Variants in ASB14 observed in about 807,000 individuals in gnomAD.
ASB14 encodes ankyrin repeat and SOCS box containing 14.
ASB14 carries 63 observed loss-of-function variants against 55.6 expected under a neutral mutation model. That is an observed-to-expected ratio of 1.13 (90% CI 0.92 to 1.40). The LOEUF is 1.40. ASB14 is among the 40% of genes most tolerant of loss of function. ASB14 has a pLI of 0.00. For missense variants in ASB14, 724 were observed against 710.4 expected (o/e 1.02, Z -0.22); for synonymous variants, 256 against 259.9 (o/e 0.98, Z 0.15).
intron 4 of ASB14, 44 bp from the exon 5 acceptor site, chr3:57,288,103 G>T: frequency 6.5e-7 from 1 of 1,534,706 alleles, no homozygotes; most frequent in Non-Finnish European, 8.7e-7. Context: ...ATATAGAAAT[G>T]AATGTTAAAT....
chr3:57,282,112 C>T (rs2061045181), intron 6 of ASB14, among the ~76,000 whole-genome samples: 1 of 152,158 alleles, frequency 6.6e-6, no homozygotes, highest in South Asian at 2.1e-4. Flanking sequence ...CAGCTAATGA[C>T]TTTAGACATT....
chr3:57,280,228 T>A, intron 7 of ASB14, 74 bp downstream of exon 7: 1 of 940,070 alleles, frequency 1.1e-6, no homozygotes. Context: ...GATTATAAAG[T>A]TCCTAGAAGC....
In ASB14 at chr3:57,278,456, A is replaced by G. The variant is rs375095363; in HGVS notation, c.1352T>C (p.Phe451Ser). 2 of 1,614,218 alleles carry G rather than the reference A, an allele frequency of 1.2e-6. No homozygotes were observed. The highest frequency in any genetic ancestry group is 1.7e-6 in the Non-Finnish European group (2 of 1,180,032). ...GACTTTGTCTCCATGTGGGCAATCA[A>G]AACATCGCTCTGTGTCATACCCATA... ...LNYGYDTERC[F>S]DCPHGDKVHP... Residue 451 changes from phenylalanine to serine, a missense_variant, in exon 8 of 11, where the codon TTT becomes TCT. Phe to Ser is a radical substitution (Grantham distance 155). Transcript: ENST00000487349.
chr3:57,292,115 T>A lies in ASB14; in HGVS notation c.-71-11A>T. ...TTGTGAAGAGATCAACTGCTTAAAA[T>A]TACAAATGAAATTCAGAAATCTAGA... On this transcript the variant is annotated splice_polypyrimidine_tract_variant and intron_variant, in intron 1 of 10. Coordinates refer to ENST00000487349, the MANE Select transcript of ASB14 (RefSeq NM_001142733.3). 3.2e-6 allele frequency: 4 copies of A among 1,262,844 alleles called. No homozygotes were observed. The highest frequency in any genetic ancestry group is 4.1e-6 in the Non-Finnish European group (4 of 981,440). The allele number at this position is 1,262,844 out of a possible 1,614,324, so 78.2% of individuals were successfully genotyped here. A position where few individuals can be genotyped will look rare whatever the true frequency, so the allele number is the denominator to read the frequency against.
chr3:57,280,578 G>T, intron 6 of ASB14, 105 bp from the exon 7 acceptor site: 1 of 921,026 alleles, frequency 1.1e-6, no homozygotes, highest in South Asian at 1.9e-5. Context: ...TAGTGAGCAC[G>T]CACTCTAGCA....
At chr3:57,273,458 GTTT>G (rs1038622332) in intron 10 of ASB14, 3 of 152,480 alleles carry the variant, frequency 2.0e-5, no homozygotes, top group African/African-American at 7.2e-5. Flanking sequence ...TTTGTACAGT[GTTT>G]TTTAATGAAA....
At chr3:57,284,786 T>C (rs1422842092) in intron 5 of ASB14, among the ~76,000 whole-genome samples, 2 of 152,200 alleles carry the variant, frequency 1.3e-5, no homozygotes, top group Non-Finnish European at 2.9e-5. Context: ...GCTAGGGTGC[T>C]TTATGGTTTA....
intron 10 of ASB14, chr3:57,270,953 T>TAAGG (rs2060933890): frequency 6.6e-6 from 1 of 152,170 alleles, no homozygotes; most frequent in Admixed American, 6.5e-5. Context: ...AACCTTAATT[T>TAAGG]TTTTTCTGTA....
Position 57,289,214 on chromosome 3 carries a change from G to C in ASB14, c.123-91C>G, listed in dbSNP as rs1005642445. On this transcript the variant is annotated intron_variant, in intron 2 of 10. Transcript: ENST00000487349. ...TCAAAAGGAAAGGGTAATGGTAGCA[G>C]TAGTTAATCCGGGATGAACTTTCAT... The C allele has an allele frequency of 1.5e-5, 13 of 849,424 alleles. No homozygotes were observed. In the African/African-American group the frequency reaches 2.2e-4, roughly 14 times the overall value. The allele number at this position is 849,424 out of a possible 1,614,324, so 52.6% of individuals were successfully genotyped here.
Position 57,283,302 on chromosome 3 carries a change from G to C in ASB14, c.607C>G (p.Leu203Val). The change falls in exon 6 of 11, where the codon CTG becomes GTG. Residue 203 changes from leucine to valine, a missense_variant. Physicochemically the swap from Leu to Val is conservative, Grantham distance 32 (BLOSUM62 1). Transcript: ENST00000487349. Reference protein sequence around the residue: ...LGREDMVKLMLVSGAHPDPQS... With the variant: ...LGREDMVKLMVVSGAHPDPQS... ...GGGTCAGGGTGTGCCCCAGAAACCA[G>C]CATAAGCTTCACCATGTCCTCTCTG... 1.3e-6 allele frequency: 2 copies of C among 1,551,866 alleles called. No individual in the cohort carries two copies. The highest frequency in any genetic ancestry group is 1.7e-6 in the Non-Finnish European group (2 of 1,147,040).
rs1224198772 is a variant in ASB14, at chr3:57,288,095, A to G, written c.311-36T>C. Reference sequence around the variant, plus strand: ...TTCATCATACCACACAAATTAAGATATAGAAATGAATGTTAAATTTATCTC... The same window carrying G: ...TTCATCATACCACACAAATTAAGATGTAGAAATGAATGTTAAATTTATCTC... On this transcript the variant is annotated intron_variant, in intron 4 of 10. Coordinates refer to ENST00000487349, the MANE Select transcript of ASB14 (RefSeq NM_001142733.3). The G allele has an allele frequency of 1.1e-5, 17 of 1,535,022 alleles. No homozygotes were observed. In the Admixed American group the frequency reaches 2.9e-4, roughly 27 times the overall value.
intron 7 of ASB14, among the ~76,000 whole-genome samples, chr3:57,279,267 T>TTTC (rs1427457427): frequency 0.01 from 579 of 56,488 alleles, 10 homozygotes; most frequent in African/African-American, 0.029. Flanking sequence ...AGTTTTTCTT[T>TTTC]TTTTTTTTTT....
chr3:57,286,404 CAT>C (rs1448355716), intron 5 of ASB14, among the ~76,000 whole-genome samples: 2 of 140,646 alleles, frequency 1.4e-5, no homozygotes, highest in African/African-American at 2.5e-5. Flanking sequence ...TTTATTTCTA[CAT>C]GTTACATTTT....
In ASB14 at chr3:57,283,289, G is replaced by A. The variant is rs750512491; in HGVS notation, c.620C>T (p.Ala207Val). The A allele has an allele frequency of 9.5e-5, 147 of 1,551,772 alleles. No individual in the cohort carries two copies. Among genetic ancestry groups the A allele is most frequent in the Non-Finnish European group, 1.2e-4 (136 of 1,147,046 alleles). The change falls in exon 6 of 11, where the codon GCA becomes GTA. Residue 207 changes from alanine to valine, a missense_variant. Physicochemically the swap from Ala to Val is moderately conservative, Grantham distance 64. Transcript: ENST00000487349. ...DMVKLMLVSG[A>V]HPDPQSTYGF... is the part of the protein sequence containing the mutation. ...ATACGTGCTCTGTGGGTCAGGGTGT[G>A]CCCCAGAAACCAGCATAAGCTTCAC...
Position 57,278,736 on chromosome 3 carries a change from AC to A in ASB14, c.1071del (p.Lys357AsnfsTer20), listed in dbSNP as rs2061011959. ...TTTGATACAGCAAAATACAAAGCTG[AC>A]TTCCTGTGGTCATCGTAGTGTTTGT... ...RINKHYDDHR[K>X]SALYFAVSNS... On this transcript the variant is annotated frameshift_variant, in exon 8 of 11. Coordinates refer to ENST00000487349, the MANE Select transcript of ASB14 (RefSeq NM_001142733.3). LOFTEE classifies it high-confidence loss of function. 1.2e-6 allele frequency: 2 copies of A among 1,613,784 alleles called. No homozygotes were observed. The highest frequency in any genetic ancestry group is 3.3e-5 in the Admixed American group (2 of 59,968).
At chr3:57,289,239 T>G in intron 2 of ASB14, 116 bp from the exon 3 acceptor site, 1 of 692,822 alleles carries the variant, frequency 1.4e-6, no homozygotes, top group South Asian at 1.8e-5. Context: ...TGAACTTTCA[T>G]AGGAGGCAAT....
chr3:57,274,173 T>C (rs2060968462), intron 10 of ASB14, among the ~76,000 whole-genome samples: 1 of 152,200 alleles, frequency 6.6e-6, no homozygotes, highest in South Asian at 2.1e-4. Context: ...AAAAAAATCA[T>C]ATAGCTTCAG....
chr3:57,288,278 C>A lies in ASB14; in HGVS notation c.187G>T (p.Asp63Tyr), dbSNP rs201609995. Residue 63 changes from aspartate to tyrosine, a missense_variant, in exon 4 of 11, where the codon GAT (aspartate) becomes TAT (tyrosine). By Grantham distance (160) the Asp-to-Tyr change is radical. Coordinates refer to ENST00000487349, the MANE Select transcript of ASB14 (RefSeq NM_001142733.3). ...IVETIEKGKE[D>Y]ALSHLTKYHS... ...TACTTGGTTAAGTGTGACAATGCAT[C>A]TTCCTTACCTATTAACGAGTCAAAT... is the stretch of plus-strand genomic sequence containing the variant. 2.5e-4 allele frequency: 385 copies of A among 1,537,106 alleles called. No homozygotes were observed. The highest frequency in any genetic ancestry group is 3.3e-4 in the Middle Eastern group (2 of 6,012).
rs2061135490 is a variant in ASB14 at position 57,291,942 on chromosome 3, C to G, written c.92G>C (p.Gly31Ala). Residue 31 changes from glycine (G) to alanine (A), a missense_variant, in exon 2 of 11, where the codon GGA (glycine) becomes GCA (alanine). Gly to Ala is a moderately conservative substitution (Grantham distance 60, BLOSUM62 0). Transcript: ENST00000487349. ...ATCCTTAGGTGCATGTTGTGCTGTT[C>G]CTGGCTTATAAATATCCTGCAAACT... ...QQSLQDIYKP[G>A]TAQHAPKDES... The G allele has an allele frequency of 2.0e-6, 3 of 1,536,508 alleles. No homozygotes were observed. The highest frequency in any genetic ancestry group is 1.7e-6 in the Non-Finnish European group (2 of 1,146,214).
Sources: allele counts gnomAD v4.1 joint callset (sites outside exome capture counted in the v4.1 genomes callset), GRCh38; gene constraint gnomAD v4.1.1; transcripts MANE v1.5; gene names NCBI Gene and HGNC (gene_info 2026-07-23, HGNC 2026-07-21).